Variants in SORBS2 observed in about 807,000 individuals in gnomAD.
SORBS2 encodes the protein sorbin and SH3 domain containing 2.
SORBS2 carries 46 observed loss-of-function variants against 97.7 expected under a neutral mutation model. That is an observed-to-expected ratio of 0.47 (90% CI 0.37 to 0.60). The LOEUF (loss-of-function observed/expected upper bound fraction) is 0.60, where lower values mean the gene tolerates loss of function less well. Among genes scored for constraint, SORBS2 ranks in the 20% least tolerant of loss-of-function variants. The pLI, the probability that SORBS2 is intolerant of heterozygous loss-of-function variation, is 0.00. For synonymous variants in SORBS2, 476 were observed against 473.4 expected, an observed-to-expected ratio of 1.01 and a Z score of -0.07; for missense variants, 1,316 against 1,282.3, an observed-to-expected ratio of 1.03 and a Z score of -0.40.
intron 2 of SORBS2, among the ~76,000 whole-genome samples, chr4:185,730,054 G>T (rs1381184159): frequency 1.3e-5 from 2 of 152,040 alleles, no homozygotes; most frequent in Non-Finnish European, 2.9e-5. Flanking sequence ...CCGGGTTCAC[G>T]CCATTCTCCT....
At chr4:185,822,177 A>C (rs1370813010) in intron 1 of SORBS2, among the ~76,000 whole-genome samples, 1 of 152,242 alleles carries the variant, frequency 6.6e-6, no homozygotes, top group Non-Finnish European at 1.5e-5. Context: ...CTTCACCTGC[A>C]GTATTCAGCT....
chr4:185,744,777 A>G (rs897462246), intron 2 of SORBS2, among the ~76,000 whole-genome samples: 2 of 152,250 alleles, frequency 1.3e-5, no homozygotes, highest in African/African-American at 2.4e-5. Context: ...ATGAATGGCC[A>G]CTATGCATTA....
intron 2 of SORBS2, among the ~76,000 whole-genome samples, chr4:185,736,369 C>T (rs180931130): frequency 1.3e-5 from 2 of 152,164 alleles, no homozygotes; most frequent in African/African-American, 4.8e-5. Flanking sequence ...ATTTAAAAGT[C>T]TTGCCTGGTC....
At chr4:185,950,605 C>T (rs759605429) in intron 1 of SORBS2, among the ~76,000 whole-genome samples, 1 of 152,158 alleles carries the variant, frequency 6.6e-6, no homozygotes, top group African/African-American at 2.4e-5. Context: ...GATGAATGCC[C>T]CTTCCAGGAC....
At chr4:185,631,776 CA>C (rs2096911895) in intron 4 of SORBS2, among the ~76,000 whole-genome samples, 1 of 117,008 alleles carries the variant, frequency 8.5e-6, no homozygotes, top group African/African-American at 3.2e-5. Context: ...AAAACAAAAA[CA>C]AAAAACAACA....
intron 4 of SORBS2, 85 bp from the exon 15 acceptor site, chr4:185,638,247 G>A: frequency 7.3e-6 from 6 of 823,972 alleles, no homozygotes; most frequent in South Asian, 1.4e-5. Context: ...AAACTCACGC[G>A]CGCATTGACA....
intron 1 of SORBS2, among the ~76,000 whole-genome samples, chr4:185,789,042 C>G (rs939763894): frequency 4.6e-5 from 7 of 152,174 alleles, no homozygotes; most frequent in Non-Finnish European, 7.3e-5. Flanking sequence ...TACATGATTC[C>G]TGGGCCGCAG....
intron 6 of SORBS2, among the ~76,000 whole-genome samples, chr4:185,625,314 G>A (rs2153425939): frequency 6.6e-6 from 1 of 152,192 alleles, no homozygotes; most frequent in African/African-American, 2.4e-5. Context: ...TCTACATTTG[G>A]CCTCAATTTT....
chr4:185,782,260 C>T (rs1342509141), intron 1 of SORBS2, among the ~76,000 whole-genome samples: 1 of 152,328 alleles, frequency 6.6e-6, no homozygotes, highest in Admixed American at 6.5e-5. Context: ...TGAAACATTG[C>T]TTTGTAGCTA....
chr4:185,944,014 C>T (rs1388160852), intron 1 of SORBS2, among the ~76,000 whole-genome samples: 2 of 152,118 alleles, frequency 1.3e-5, no homozygotes, highest in African/African-American at 4.8e-5. Context: ...AATGTTGAAA[C>T]GAAGCTAATG....
chr4:185,656,864 C>CGGCT, exon 1 of SORBS2: 3 of 1,308,792 alleles, frequency 2.3e-6, no homozygotes, highest in Non-Finnish European at 2.9e-6. Flanking sequence ...TCAGCAGGCA[C>CGGCT]GGCTGAAGAG....
chr4:185,603,056 T>C (rs2096303347), intron 12 of SORBS2, among the ~76,000 whole-genome samples: 1 of 152,192 alleles, frequency 6.6e-6, no homozygotes, highest in Admixed American at 6.5e-5. Context: ...TTCTCTCATG[T>C]CATTCTGCAA....
At chr4:185,767,590 T>A (rs983883363) in intron 2 of SORBS2, among the ~76,000 whole-genome samples, 1 of 151,860 alleles carries the variant, frequency 6.6e-6, no homozygotes, top group African/African-American at 2.4e-5. Flanking sequence ...CTGATAATAC[T>A]GAGCATTAAA....
chr4:185,769,873 G>A (rs1409991188), intron 2 of SORBS2, among the ~76,000 whole-genome samples: 1 of 152,166 alleles, frequency 6.6e-6, no homozygotes, highest in Admixed American at 6.5e-5. Context: ...GGCAGCACAG[G>A]AAAAAGACCG....
chr4:185,586,035 A>G (rs922391450), exon 15 of SORBS2: 1 of 152,110 alleles, frequency 6.6e-6, no homozygotes, highest in South Asian at 2.1e-4. Flanking sequence ...TTGTCGCAGG[A>G]TAAAGACCAA....
intron 1 of SORBS2, among the ~76,000 whole-genome samples, chr4:185,834,466 AC>A (rs2099206891): frequency 6.6e-6 from 1 of 152,074 alleles, no homozygotes; most frequent in South Asian, 2.1e-4. Flanking sequence ...AAAAAAATAT[AC>A]CCTACCTACT....
intron 1 of SORBS2, among the ~76,000 whole-genome samples, chr4:185,793,159 C>T (rs549699934): frequency 1.4e-3 from 212 of 152,328 alleles, no homozygotes; most frequent in Non-Finnish European, 2.3e-3. Context: ...TGTGAAGACT[C>T]ATTTTAGATC....
At chr4:185,899,048 G>A (rs2099246311) in intron 1 of SORBS2, among the ~76,000 whole-genome samples, 1 of 152,064 alleles carries the variant, frequency 6.6e-6, no homozygotes, top group Admixed American at 6.6e-5. Flanking sequence ...ATCACAGTGT[G>A]CAGAGGCAAT....
intron 2 of SORBS2, 130 bp from the exon 4 acceptor site, chr4:185,690,741 G>A: frequency 2.1e-6 from 1 of 465,516 alleles, no homozygotes. Context: ...ATTTAAATCA[G>A]TGTTTAATAA....
Sources: gnomAD v4.1 joint callset for allele counts (sites outside exome capture counted in the v4.1 genomes callset) on GRCh38, gnomAD v4.1.1 for gene constraint, MANE v1.5 for transcripts, NCBI Gene and HGNC (gene_info 2026-07-23, HGNC 2026-07-21) for gene names.